SAMD12: variants seen among roughly 807,000 people sequenced by gnomAD.
The protein encoded by SAMD12 is sterile alpha motif domain containing 12, also known as sterile alpha motif domain-containing protein 12.
Under a neutral mutation model 15.0 loss-of-function variants are expected in SAMD12, and 9 were observed. The ratio of observed to expected loss-of-function variants is 0.60; its 90% CI spans 0.36 to 1.05. The LOEUF (loss-of-function observed/expected upper bound fraction) is 1.05, where lower values mean the gene tolerates loss of function less well. Ranked by LOEUF, SAMD12 falls within the 50% of genes least tolerant of loss-of-function variation. SAMD12 has a pLI of 0.01. For missense variants in SAMD12, 230 were observed against 234.2 expected (o/e 0.98, Z 0.12); for synonymous variants, 86 against 90.1 (o/e 0.96, Z 0.25).
intron 1 of SAMD12, among the ~76,000 whole-genome samples, chr8:118,584,846 T>C (rs750853136): frequency 3.3e-5 from 5 of 151,954 alleles, no homozygotes; most frequent in Non-Finnish European, 5.9e-5. Context: ...ACACCCCCTG[T>C]GGGAAACAGT....
At chr8:118,578,060 C>T (rs1429216517) in intron 2 of SAMD12, among the ~76,000 whole-genome samples, 1 of 152,164 alleles carries the variant, frequency 6.6e-6, no homozygotes, top group African/African-American at 2.4e-5. Context: ...GGAAAACCCT[C>T]CTAGACTCAG....
At chr8:118,235,170 A>G (rs1024977519) in intron 4 of SAMD12, among the ~76,000 whole-genome samples, 1 of 152,272 alleles carries the variant, frequency 6.6e-6, no homozygotes, top group African/African-American at 2.4e-5. Context: ...CCATTAACAA[A>G]TAACATACAT....
At chr8:118,376,998 A>G (rs1739602885), downstream of SAMD12, among the ~76,000 whole-genome samples, 1 of 152,206 alleles carries the variant, frequency 6.6e-6, no homozygotes, top group African/African-American at 2.4e-5. Context: ...TTAATCATAA[A>G]ACATAAAAAC....
intron 3 of SAMD12, among the ~76,000 whole-genome samples, chr8:118,396,257 T>G (rs925704509): frequency 6.6e-6 from 1 of 152,162 alleles, no homozygotes; most frequent in Non-Finnish European, 1.5e-5. Context: ...ATGATAATTA[T>G]CATTTTAATC....
At chr8:118,523,576 A>C (rs1164438951) in intron 2 of SAMD12, among the ~76,000 whole-genome samples, 1 of 152,050 alleles carries the variant, frequency 6.6e-6, no homozygotes, top group Non-Finnish European at 1.5e-5. Context: ...ACACCTGACA[A>C]AACCCCAATC....
chr8:118,451,103 A>G (rs975845162), intron 2 of SAMD12, among the ~76,000 whole-genome samples: 2 of 152,222 alleles, frequency 1.3e-5, no homozygotes, highest in African/African-American at 4.8e-5. Flanking sequence ...AAACATGCTT[A>G]GAAAGGTAAA....
the SAMD12 span, among the ~76,000 whole-genome samples, chr8:118,161,917 T>C: frequency 1.3e-5 from 2 of 151,872 alleles, no homozygotes; most frequent in African/African-American, 2.4e-5. Context: ...CCCAGCACTT[T>C]GGGAGGCCCA....
At chr8:118,188,292 G>T (rs141277085), downstream of SAMD12, among the ~76,000 whole-genome samples, 125 of 152,260 alleles carry the variant, frequency 8.2e-4, no homozygotes, top group African/African-American at 2.8e-3. Flanking sequence ...TTGTTTGGGG[G>T]CTCTGGCTTT....
chr8:118,433,067 G>T (rs910037063), intron 3 of SAMD12, among the ~76,000 whole-genome samples: 2 of 152,150 alleles, frequency 1.3e-5, no homozygotes, highest in Non-Finnish European at 2.9e-5. Context: ...ATTGTAAGGG[G>T]GACACTCAGC....
At chr8:118,408,932 T>C (rs1257011578) in intron 3 of SAMD12, among the ~76,000 whole-genome samples, 1 of 152,118 alleles carries the variant, frequency 6.6e-6, no homozygotes, top group Non-Finnish European at 1.5e-5. Context: ...AGAGTCCCAC[T>C]CTGTCGCCCA....
chr8:118,363,719 ACATACATACATTC>A (rs1202911140), intron 4 of SAMD12, among the ~76,000 whole-genome samples: 1 of 152,194 alleles, frequency 6.6e-6, no homozygotes, highest in Non-Finnish European at 1.5e-5. Context: ...CCTTCTCTAT[ACATACATACATTC>A]TTATTGGCTC....
chr8:118,295,946 T>C (rs187860989), intron 4 of SAMD12, among the ~76,000 whole-genome samples: 6 of 152,204 alleles, frequency 3.9e-5, no homozygotes, highest in East Asian at 1.9e-4. Context: ...AACTGGTCAA[T>C]TGAGCATTTT....
At chr8:118,539,515 C>T (rs1000521224) in intron 2 of SAMD12, among the ~76,000 whole-genome samples, 8 of 152,130 alleles carry the variant, frequency 5.3e-5, no homozygotes, top group African/African-American at 9.7e-5. Context: ...TGATTGGGCT[C>T]ATAGTGGACA....
chr8:118,408,258 T>C (rs1162959123), intron 3 of SAMD12, among the ~76,000 whole-genome samples: 2 of 152,194 alleles, frequency 1.3e-5, no homozygotes, highest in Non-Finnish European at 2.9e-5. Context: ...TTTCTCAATC[T>C]ACACACCACT....
intron 4 of SAMD12, among the ~76,000 whole-genome samples, chr8:118,318,325 T>TATATATATATATAC (rs1432686266): frequency 5.1e-4 from 13 of 25,264 alleles, no homozygotes; most frequent in Non-Finnish European, 1.4e-3. Flanking sequence ...TATATATATA[T>TATATATATATATAC]ATATATATAT....
At chr8:118,491,810 T>G (rs989312487) in intron 2 of SAMD12, among the ~76,000 whole-genome samples, 2 of 152,190 alleles carry the variant, frequency 1.3e-5, no homozygotes, top group African/African-American at 4.8e-5. Flanking sequence ...GAGAAGCCCG[T>G]TGTATAAATA....
chr8:118,331,302 CA>C (rs1816797242), intron 4 of SAMD12, among the ~76,000 whole-genome samples: 1 of 152,114 alleles, frequency 6.6e-6, no homozygotes, highest in Admixed American at 6.5e-5. Flanking sequence ...CAACAGAAAC[CA>C]TTTCAAAAAT....
At chr8:118,596,090 T>C (rs1408510494) in intron 1 of SAMD12, among the ~76,000 whole-genome samples, 1 of 152,216 alleles carries the variant, frequency 6.6e-6, no homozygotes, top group Non-Finnish European at 1.5e-5. Flanking sequence ...CCCAGGATTG[T>C]TGTTGAACAA....
At chr8:118,132,033 G>A in the SAMD12 span, among the ~76,000 whole-genome samples, 1 of 152,084 alleles carries the variant, frequency 6.6e-6, no homozygotes, top group Non-Finnish European at 1.5e-5. Context: ...ATCAATGTCA[G>A]TATTTCCACA....
Sources: allele counts gnomAD v4.1 joint callset (sites outside exome capture counted in the v4.1 genomes callset), GRCh38; gene constraint gnomAD v4.1.1; transcripts MANE v1.5; gene names NCBI Gene and HGNC (gene_info 2026-07-23, HGNC 2026-07-21).